The following HUWE1 variants were observed in gnomAD, a reference collection of about 807,000 sequenced individuals.
HUWE1 encodes the protein HECT, UBA and WWE domain containing E3 ubiquitin protein ligase 1.
Under a neutral mutation model 299.4 loss-of-function variants are expected in HUWE1, and 18 were observed. The observed-to-expected ratio is 0.06, with a 90% confidence interval of 0.04 to 0.09. HUWE1 has a LOEUF of 0.09. Among genes scored for constraint, HUWE1 ranks in the 10% least tolerant of loss-of-function variants. The pLI, the probability that HUWE1 is intolerant of heterozygous loss-of-function variation, is 1.00. For missense variants in HUWE1, 1,832 were observed against 3,462.3 expected (o/e 0.53, Z 11.82); for synonymous variants, 1,317 against 1,286.1 (o/e 1.02, Z -0.51).
intron 6 of HUWE1, among the ~76,000 whole-genome samples, chrX:53,646,878 T>C (rs2068089882): frequency 8.9e-6 from 1 of 112,120 alleles, no homozygotes; most frequent in African/African-American, 3.2e-5. Context: ...AGCTCACTGA[T>C]TGCTGCACCT....
intron 4 of HUWE1, among the ~76,000 whole-genome samples, chrX:53,651,152 C>T (rs1398607740): frequency 8.3e-5 from 9 of 108,198 alleles, no homozygotes; most frequent in Non-Finnish European, 1.7e-4. Context: ...CCCCACCCCA[C>T]CTGAGCTTAT....
chrX:53,551,611 C>A, intron 63 of HUWE1, 131 bp from the exon 64 acceptor site: 1 of 577,688 alleles, frequency 1.7e-6, no homozygotes, highest in Non-Finnish European at 2.9e-6. Flanking sequence ...CTCCTGGGCT[C>A]GAGTCTTCCT....
chrX:53,611,665 G>A (rs1278887328), intron 23 of HUWE1, among the ~76,000 whole-genome samples: 7 of 110,276 alleles, frequency 6.3e-5, no homozygotes, highest in Admixed American at 1.9e-4. Context: ...CCAGGAGTTT[G>A]AGGCCAACAT....
chrX:53,605,547 G>A (rs2065102319), intron 25 of HUWE1, among the ~76,000 whole-genome samples: 1 of 112,454 alleles, frequency 8.9e-6, no homozygotes, highest in African/African-American at 3.2e-5. Flanking sequence ...TAAGCAAATG[G>A]ATTTCTCATT....
intron 24 of HUWE1, among the ~76,000 whole-genome samples, chrX:53,608,180 G>A (rs973972242): frequency 2.7e-5 from 3 of 111,533 alleles, no homozygotes; most frequent in Non-Finnish European, 5.6e-5. Context: ...AGTAAAATGT[G>A]GGCAATAAAC....
chrX:53,624,806 G>A, intron 18 of HUWE1, 131 bp from the exon 19 acceptor site: 1 of 511,621 alleles, frequency 2.0e-6, no homozygotes, highest in Non-Finnish European at 3.4e-6. Context: ...TAATCTAATG[G>A]CCCCCAGTTG....
Position 53,585,112 on chromosome X carries a change from T to C in HUWE1, c.4901A>G (p.Asn1634Ser). Residue 1634 changes from asparagine (N) to serine (S), a missense_variant, in exon 40 of 84, where the codon AAC (asparagine) becomes AGC (serine). By Grantham distance (46) the Asn-to-Ser change is conservative. Around this residue, in one of 15 missense-constraint regions of HUWE1, gnomAD observed 658 missense variants for 1,282.6 expected, o/e 0.51. Transcript: ENST00000262854. The stretch of plus-strand genomic sequence containing the variant: ...CCAGGCAGAATCAATAGTGCTATTG[T>C]TGCTTGCACTGTAACTACACCAACG... ...SGRWCSYSAS[N>S]NSTIDSAWKS... The C allele has an allele frequency of 8.3e-7, 1 of 1,211,652 alleles. No individual in the cohort carries two copies. Among genetic ancestry groups the C allele is most frequent in the Non-Finnish European group, 1.1e-6 (1 of 895,180 alleles).
intron 23 of HUWE1, among the ~76,000 whole-genome samples, chrX:53,611,091 T>C (rs1018083654): frequency 1.8e-5 from 2 of 108,233 alleles, no homozygotes; most frequent in African/African-American, 3.4e-5. Flanking sequence ...GCGTAGACTA[T>C]AGTGCCTAAG....
At chrX:53,650,063 G>T (rs2068350589) in intron 4 of HUWE1, among the ~76,000 whole-genome samples, 1 of 111,897 alleles carries the variant, frequency 8.9e-6, no homozygotes, top group Non-Finnish European at 1.9e-5. Flanking sequence ...GGTCTACTAG[G>T]TCATAATGTC....
intron 43 of HUWE1, among the ~76,000 whole-genome samples, chrX:53,578,490 T>C (rs1273227229): frequency 8.1e-5 from 6 of 74,520 alleles, no homozygotes; most frequent in African/African-American, 2.7e-4. Context: ...GGTGGGGGGG[T>C]CAGCCCCCGG....
At position 53,566,109 on chromosome X, in the gene HUWE1, A is replaced by ATGTG. The variant is rs1436785088; in HGVS notation, c.6708-871_6708-870insCACA. On this transcript the variant is annotated intron_variant, in intron 49 of 83. Transcript: ENST00000262854. ...TGTGAGTCTATGTATGTATGTATGTATGTATGTATGTGTGTGTGTGTGTGT... is the reference window on the plus strand; with the variant it reads ...TGTGAGTCTATGTATGTATGTATGTATGTGTGTATGTATGTGTGTGTGTGTGTGT... 6.8e-3 allele frequency among the ~76,000 whole-genome samples: 306 copies of ATGTG among 45,011 alleles called. 3 individuals carry two copies. Among genetic ancestry groups the ATGTG allele is most frequent in the Non-Finnish European group, 9.7e-3 (238 of 24,536 alleles). The allele number at this position is 45,011 out of a possible 115,157, so 39.1% of individuals were successfully genotyped here.
At chrX:53,623,640 A>AT (rs1196839532) in intron 19 of HUWE1, among the ~76,000 whole-genome samples, 1 of 111,967 alleles carries the variant, frequency 8.9e-6, no homozygotes, top group African/African-American at 3.3e-5. Flanking sequence ...TGCTAATGTC[A>AT]TAAGACAAAA....
rs781976556 is a variant in HUWE1 at position 53,598,295 on chromosome X, C to T, written c.3163+1823G>A. Among the ~76,000 whole-genome samples the T allele has an allele frequency of 5.4e-5, 6 of 111,906 alleles. No homozygotes were observed. In the East Asian group the frequency reaches 1.4e-3, roughly 26 times the overall value. ...ATATGGGCACCGAAACTAAAGCAAA[C>T]GGTGGAAGAAAAATTGGTATTGTAC... On this transcript the variant is annotated intron_variant, in intron 29 of 83. Coordinates refer to ENST00000262854, the MANE Select transcript of HUWE1 (RefSeq NM_031407.7).
chrX:53,634,106 C>G (rs1007162717), intron 8 of HUWE1, 130 bp downstream of exon 8: 40 of 553,369 alleles, frequency 7.2e-5, no homozygotes, highest in Non-Finnish European at 1.2e-4. Flanking sequence ...TATGTCTGAA[C>G]TGATCTTAGG....
chrX:53,549,239 C>A lies in HUWE1; in HGVS notation c.9755G>T (p.Gly3252Val). 2 of 1,211,823 alleles carry A rather than the reference C, an allele frequency of 1.7e-6. No homozygotes were observed. Among genetic ancestry groups the A allele is most frequent in the Non-Finnish European group, 2.2e-6 (2 of 895,543 alleles). ...TPKLTTSEEK[G>V]KKSSKSCGSS... is the part of the protein sequence containing the mutation. ...CCCACAGCTCTTGCTCGACTTTTTG[C>A]CCTTTTCCTCACTTGTAGTGAGTTT... Residue 3252 changes from glycine (G) to valine (V), a missense_variant, in exon 67 of 84, where the codon GGC (glycine) becomes GTC (valine). Physicochemically the swap from Gly to Val is moderately radical, Grantham distance 109. Coordinates refer to ENST00000262854, the MANE Select transcript of HUWE1 (RefSeq NM_031407.7).
At chrX:53,555,148 G>A (rs782085267) in intron 60 of HUWE1, among the ~76,000 whole-genome samples, 1 of 111,616 alleles carries the variant, frequency 9.0e-6, no homozygotes, top group East Asian at 2.8e-4. Context: ...TGACTCTGTG[G>A]ATTCTAAGAA....
At chrX:53,579,132 C>T (rs1419878599) in intron 43 of HUWE1, among the ~76,000 whole-genome samples, 6 of 82,096 alleles carry the variant, frequency 7.3e-5, no homozygotes, top group Non-Finnish European at 1.2e-4. Flanking sequence ...CGCCTCTGCC[C>T]GGCCGCCCCT....
chrX:53,557,756 A>G (rs1033632691), intron 59 of HUWE1, among the ~76,000 whole-genome samples: 1 of 111,850 alleles, frequency 8.9e-6, no homozygotes, highest in Admixed American at 9.5e-5. Flanking sequence ...TTTTCCCTTC[A>G]TGGGGCTTAT....
In HUWE1 at chrX:53,537,630, G is replaced by A. The variant is rs1323526021; in HGVS notation, c.12063C>T (p.Val4021=). Residue 4021 remains valine (V), a synonymous_variant, in exon 78 of 84, where the codon GTC becomes GTT. Transcript: ENST00000262854. Reference sequence around the variant, plus strand: ...AGTCTTCAAACACATGGTCACGACGGACATGCACAGCCATGTCTTCTTTCC... The same window carrying A: ...AGTCTTCAAACACATGGTCACGACGAACATGCACAGCCATGTCTTCTTTCC... ...GLRKEDMAVH[V]RRDHVFEDSY... 8.3e-7 allele frequency: 1 copy of A among 1,205,915 alleles called. No homozygotes were observed. Among genetic ancestry groups the A allele is most frequent in the African/African-American group, 1.8e-5 (1 of 57,058 alleles).
Sources: allele counts gnomAD v4.1 joint callset (sites outside exome capture counted in the v4.1 genomes callset), GRCh38; gene constraint gnomAD v4.1.1; regional missense constraint gnomAD v4.1.1; transcripts MANE v1.5; gene names NCBI Gene and HGNC (gene_info 2026-07-23, HGNC 2026-07-21).